The following ACSM1 variants were observed in gnomAD, a reference collection of about 807,000 sequenced individuals.
ACSM1 encodes acyl-CoA synthetase medium chain family member 1, also known as acyl-coenzyme A synthetase ACSM1, mitochondrial.
A neutral mutation model predicts 75.8 loss-of-function variants in ACSM1; 79 were observed. The ratio of observed to expected loss-of-function variants is 1.04; its 90% CI spans 0.87 to 1.26. ACSM1 has a LOEUF of 1.26. ACSM1 is among the 50% of genes most tolerant of loss of function. ACSM1 has a pLI of 0.00. For missense variants in ACSM1, 676 were observed against 720.1 expected, an observed-to-expected ratio of 0.94 and a Z score of 0.70; for synonymous variants, 279 against 265.8, an observed-to-expected ratio of 1.05 and a Z score of -0.48.
chr16:20,626,367 A>AAAAAT (rs1277264868), intron 11 of ACSM1, among the ~76,000 whole-genome samples: 1 of 151,936 alleles, frequency 6.6e-6, no homozygotes, highest in East Asian at 1.9e-4. Context: ...AAATAAAATA[A>AAAAAT]AAAATAAAAT....
intron 7 of ACSM1, among the ~76,000 whole-genome samples, chr16:20,641,586 C>G (rs1291455817): frequency 6.6e-6 from 1 of 152,236 alleles, no homozygotes; most frequent in Non-Finnish European, 1.5e-5. Flanking sequence ...ATTCTCACCA[C>G]CTGTTTCTTT....
intron 10 of ACSM1, among the ~76,000 whole-genome samples, chr16:20,629,154 G>GT (rs1460126669): frequency 2.6e-5 from 4 of 151,760 alleles, no homozygotes; most frequent in South Asian, 4.2e-4. Context: ...TGAGAAAATT[G>GT]TTTTTTTTAA....
At chr16:20,687,626 C>T (rs538915219) in intron 2 of ACSM1, among the ~76,000 whole-genome samples, 1 of 152,018 alleles carries the variant, frequency 6.6e-6, no homozygotes, top group African/African-American at 2.4e-5. Flanking sequence ...AGAAACAAAC[C>T]CTAAATAAAC....
intron 8 of ACSM1, among the ~76,000 whole-genome samples, chr16:20,639,494 G>A (rs933046325): frequency 1.4e-4 from 22 of 152,186 alleles, no homozygotes; most frequent in Admixed American, 1.4e-3. Context: ...TTGCTGGAGA[G>A]AGTCTCCTAT....
At chr16:20,640,363 C>G in intron 8 of ACSM1, 98 bp downstream of exon 8, 1 of 1,409,564 alleles carries the variant, frequency 7.1e-7, no homozygotes, top group South Asian at 1.3e-5. Context: ...GGGAAAGGCA[C>G]AAACCTGTTT....
At chr16:20,691,289 C>G in intron 1 of ACSM1, 50 bp from the exon 2 acceptor site, 1 of 1,033,764 alleles carries the variant, frequency 9.7e-7, no homozygotes, top group Non-Finnish European at 1.4e-6. Context: ...AACTTTCTCC[C>G]TAAATTGGGT....
intron 7 of ACSM1, among the ~76,000 whole-genome samples, chr16:20,656,958 A>T (rs1255729264): frequency 6.6e-6 from 1 of 151,964 alleles, no homozygotes; most frequent in Non-Finnish European, 1.5e-5. Flanking sequence ...CTAAACTATT[A>T]TGTGTCACTT....
intron 4 of ACSM1, chr16:20,674,672 AG>A (rs1397408124): frequency 1.3e-5 from 2 of 152,370 alleles, no homozygotes; most frequent in East Asian, 3.9e-4. Context: ...CCATGGGACT[AG>A]GGCCCTGGGG....
intron 3 of ACSM1, among the ~76,000 whole-genome samples, chr16:20,683,725 C>CTTTCTTTT (rs2079495603): frequency 7.3e-6 from 1 of 136,378 alleles, no homozygotes; most frequent in Non-Finnish European, 1.6e-5. Context: ...CTCTTTCTTT[C>CTTTCTTTT]TTTCTTTCTT....
intron 7 of ACSM1, among the ~76,000 whole-genome samples, chr16:20,660,822 G>A (rs573787441): frequency 6.6e-6 from 1 of 152,158 alleles, no homozygotes; most frequent in South Asian, 2.1e-4. Flanking sequence ...GTGTGTTTTG[G>A]TTTAGCTTAA....
In ACSM1 at chr16:20,640,665, T is replaced by A. The variant is rs1264830447; in HGVS notation, c.993-81A>T. 4 of 1,591,106 alleles carry A rather than the reference T, an allele frequency of 2.5e-6. No individual in the cohort carries two copies. The Admixed American group carries it at 5.3e-5, about 21-fold the overall frequency. On this transcript the variant is annotated intron_variant, in intron 7 of 13. Coordinates refer to ENST00000520010, the MANE Select transcript of ACSM1 (RefSeq NM_001318890.3). The stretch of plus-strand genomic sequence containing the variant: ...AGAGCTCTTAAGTCTGTCACCCAGA[T>A]CATTCATCCTTCTAGTTCCTCACTT...
chr16:20,643,788 G>A (rs1366347658), intron 7 of ACSM1, among the ~76,000 whole-genome samples: 1 of 152,062 alleles, frequency 6.6e-6, no homozygotes, highest in Non-Finnish European at 1.5e-5. Context: ...GACAGAAAGT[G>A]CTGATTGGTG....
At chr16:20,657,151 C>T (rs1184366173) in intron 7 of ACSM1, among the ~76,000 whole-genome samples, 2 of 152,076 alleles carry the variant, frequency 1.3e-5, no homozygotes, top group African/African-American at 2.4e-5. Context: ...CAGAACAATG[C>T]TTATATTTTG....
intron 9 of ACSM1, 172 bp from the exon 10 acceptor site, chr16:20,637,012 C>G: frequency 1.5e-6 from 1 of 683,832 alleles, no homozygotes; most frequent in Non-Finnish European, 2.6e-6. Context: ...ATGTGAAACT[C>G]AAGCCAAGGG....
chr16:20,669,668 G>A (rs943112050), intron 6 of ACSM1, among the ~76,000 whole-genome samples, 159 bp downstream of exon 6: 4 of 152,176 alleles, frequency 2.6e-5, no homozygotes, highest in African/African-American at 9.7e-5. Context: ...CTCAGGTATA[G>A]TGACTCAGAC....
chr16:20,658,364 A>G (rs2019098260), intron 7 of ACSM1, among the ~76,000 whole-genome samples: 1 of 152,064 alleles, frequency 6.6e-6, no homozygotes, highest in South Asian at 2.1e-4. Context: ...GCCAGTGATG[A>G]TGAGCATTTT....
At chr16:20,683,715 C>CTCTCTCTTTCTT (rs1555477280) in intron 3 of ACSM1, among the ~76,000 whole-genome samples, 25 of 136,384 alleles carry the variant, frequency 1.8e-4, no homozygotes, top group Non-Finnish European at 3.1e-4. Context: ...CTCTCTCTCT[C>CTCTCTCTTTCTT]TCTTTCTTTC....
intron 6 of ACSM1, among the ~76,000 whole-genome samples, chr16:20,665,971 G>A (rs577477426): frequency 7.0e-4 from 106 of 152,130 alleles, no homozygotes; most frequent in African/African-American, 2.5e-3. Context: ...ATGAGGCATT[G>A]AAAGAACATA....
intron 7 of ACSM1, among the ~76,000 whole-genome samples, chr16:20,656,333 T>C (rs1363816757): frequency 6.6e-6 from 1 of 152,190 alleles, no homozygotes; most frequent in African/African-American, 2.4e-5. Flanking sequence ...CAGATGCCCT[T>C]TTAATTTACA....
Sources: gnomAD v4.1 joint callset for allele counts (sites outside exome capture counted in the v4.1 genomes callset) on GRCh38, gnomAD v4.1.1 for gene constraint, MANE v1.5 for transcripts, NCBI Gene and HGNC (gene_info 2026-07-23, HGNC 2026-07-21) for gene names.